MAP4K2: variants seen among roughly 807,000 people sequenced by gnomAD.
The protein encoded by MAP4K2 is B lymphocyte serine/threonine protein kinase.
Under a neutral mutation model 125.3 loss-of-function variants are expected in MAP4K2, and 85 were observed. That is an observed-to-expected ratio of 0.68 (90% CI 0.57 to 0.81). The LOEUF (loss-of-function observed/expected upper bound fraction) is 0.81, where lower values mean the gene tolerates loss of function less well. Among genes scored for constraint, MAP4K2 ranks in the 40% least tolerant of loss-of-function variants. MAP4K2 has a pLI of 0.00. For missense variants in MAP4K2, 923 were observed against 1,056.4 expected (o/e 0.87, Z 1.75); for synonymous variants, 479 against 445.1 (o/e 1.08, Z -0.96).
At position 64,789,940 on chromosome 11, in the gene MAP4K2, C is replaced by T; in HGVS notation, c.2268G>A (p.Val756=). ...IETVVCLQDS[V]LAFWSHGMQG... is the part of the protein sequence containing the mutation. ...GCATCCCATGGCTCCAGAAGGCCAGCACACTGTCCTGCAGGCACACTATGG... is the reference window on the plus strand; with the variant it reads ...GCATCCCATGGCTCCAGAAGGCCAGTACACTGTCCTGCAGGCACACTATGG... Residue 756 remains valine, a synonymous_variant, in exon 30 of 32, where the codon GTG becomes GTA. Transcript: ENST00000294066. 1 of 1,613,648 alleles carries T rather than the reference C, an allele frequency of 6.2e-7. No homozygotes were observed. The highest frequency in any genetic ancestry group is 1.3e-5 in the African/African-American group (1 of 75,024).
chr11:64,802,780 G>A (rs2136058703), intron 2 of MAP4K2, 105 bp downstream of exon 2: 1 of 1,472,056 alleles, frequency 6.8e-7, no homozygotes, highest in Non-Finnish European at 9.3e-7. Context: ...CACCTCCCGG[G>A]GCACGCCTCT....
chr11:64,790,041 G>C (rs1365716262), intron 29 of MAP4K2, 82 bp from the exon 30 acceptor site: 17 of 1,563,594 alleles, frequency 1.1e-5, no homozygotes, highest in Non-Finnish European at 1.5e-5. Context: ...TGGGCCACAG[G>C]GGTCCTCACT....
intron 24 of MAP4K2, among the ~76,000 whole-genome samples, chr11:64,794,373 T>TC (rs1940668041): frequency 1.3e-5 from 2 of 151,964 alleles, no homozygotes; most frequent in South Asian, 4.2e-4. Context: ...TTTTCTTTTT[T>TC]TTTTGAGACG....
In MAP4K2 at chr11:64,786,324, A is replaced by G. The variant is rs1311955041; in HGVS notation, c.*3213T>C. 1 of 152,220 alleles carries G rather than the reference A, an allele frequency of 6.6e-6. No homozygotes were observed. Among genetic ancestry groups the G allele is most frequent in the African/African-American group, 2.4e-5 (1 of 41,446 alleles). The allele number at this position is 152,220 out of a possible 1,614,324, so 9.4% of individuals were successfully genotyped here. ...CTTTGGATATGGTAAACCTAAGGAA[A>G]GTAAAGCTCAGCGAGCTGGGGTGGC... On this transcript the variant is annotated 3_prime_UTR_variant, in exon 32 of 32. Coordinates refer to ENST00000294066, the MANE Select transcript of MAP4K2 (RefSeq NM_004579.5).
At chr11:64,798,702 TG>T in intron 15 of MAP4K2, 91 bp downstream of exon 15, 2 of 1,407,880 alleles carry the variant, frequency 1.4e-6, no homozygotes, top group East Asian at 4.6e-5. Context: ...CCTAAAGTGC[TG>T]GGATTACAGG....
At chr11:64,793,602 T>C (rs896091174) in intron 24 of MAP4K2, among the ~76,000 whole-genome samples, 4 of 152,174 alleles carry the variant, frequency 2.6e-5, no homozygotes, top group Non-Finnish European at 5.9e-5. Context: ...GCCCATGTCC[T>C]GTTTGTACCT....
chr11:64,800,728 G>T (rs1296460041), intron 10 of MAP4K2, 36 bp downstream of exon 10: 1 of 1,574,122 alleles, frequency 6.4e-7, no homozygotes, highest in East Asian at 2.3e-5. Context: ...GGGGCTGACA[G>T]AAAAGGGGGT....
chr11:64,792,273 G>C lies in MAP4K2; in HGVS notation c.1813C>G (p.Arg605Gly). The C allele has an allele frequency of 1.2e-6, 2 of 1,608,654 alleles. No individual in the cohort carries two copies. Among genetic ancestry groups the C allele is most frequent in the Non-Finnish European group, 1.7e-6 (2 of 1,178,166 alleles). The part of the protein sequence containing the change: ...TKGCLQCRVV[R>G]NPYTGATFLL... ...AAGGTGGCACCCGTGTAGGGGTTCC[G>C]CACTGGCAGGGGAGCAGGCAGTGGG... is the stretch of plus-strand genomic sequence containing the variant. Residue 605 changes from arginine to glycine, a missense_variant and splice_region_variant, in exon 26 of 32, where the codon CGG becomes GGG. Coordinates refer to ENST00000294066, the MANE Select transcript of MAP4K2 (RefSeq NM_004579.5).
At position 64,797,153 on chromosome 11, in the gene MAP4K2, G is replaced by T; in HGVS notation, c.1316C>A (p.Pro439Gln). 1 of 1,614,090 alleles carries T rather than the reference G, an allele frequency of 6.2e-7. No individual in the cohort carries two copies. The highest frequency in any genetic ancestry group is 8.5e-7 in the Non-Finnish European group (1 of 1,180,004). ...GGTGGCCCAGGCCGTGGGCAGCAGT[G>T]GGGAGCTGTTGGGGCCTGAAGGAGG... ...PPPPSGPNSS[P>Q]LLPTAWATMK... The change falls in exon 19 of 32, where the codon CCA (proline) becomes CAA (glutamine). Residue 439 changes from proline (P) to glutamine (Q), a missense_variant. Coordinates refer to ENST00000294066, the MANE Select transcript of MAP4K2 (RefSeq NM_004579.5).
In MAP4K2 at chr11:64,792,180, G is replaced by C; in HGVS notation, c.1906C>G (p.Leu636Val). The stretch of plus-strand genomic sequence containing the variant: ...CCCCCACCGCCCCTCACCTTCAGCA[G>C]CAGAAACTTCTGCAGCGGCTCATAC... ...QWYEPLQKFLLLKNFSSPLPS... is the reference protein window; with the variant it reads ...QWYEPLQKFLVLKNFSSPLPS... Residue 636 changes from leucine to valine, a missense_variant, in exon 26 of 32, where the codon CTG becomes GTG. Around this residue, in one of 2 missense-constraint regions of MAP4K2, gnomAD observed 833 missense variants for 911.4 expected, o/e 0.91. Coordinates refer to ENST00000294066, the MANE Select transcript of MAP4K2 (RefSeq NM_004579.5). 1 of 1,610,766 alleles carries C rather than the reference G, an allele frequency of 6.2e-7. No homozygotes were observed. Among genetic ancestry groups the C allele is most frequent in the Non-Finnish European group, 8.5e-7 (1 of 1,178,930 alleles).
At position 64,786,776 on chromosome 11, in the gene MAP4K2, T is replaced by G. The variant is rs879478945; in HGVS notation, c.*2761A>C. 3.9e-5 allele frequency: 6 copies of G among 152,106 alleles called. No individual in the cohort carries two copies. Among genetic ancestry groups the G allele is most frequent in the South Asian group, 2.1e-4 (1 of 4,834 alleles). 9.4% of individuals were successfully genotyped at this position (152,106 alleles called of 1,614,324 possible). A position where few individuals can be genotyped will look rare whatever the true frequency, so the allele number is the denominator to read the frequency against. On this transcript the variant is annotated 3_prime_UTR_variant, in exon 32 of 32. Coordinates refer to ENST00000294066, the MANE Select transcript of MAP4K2 (RefSeq NM_004579.5). ...CAGAGGGGCACTAGCCTAATAATAT[T>G]TATTGCAGCATTGTTTGTAATATAA...
intron 12 of MAP4K2, 108 bp from the exon 13 acceptor site, chr11:64,799,791 T>A: frequency 1.2e-6 from 1 of 817,846 alleles, no homozygotes; most frequent in Non-Finnish European, 2.0e-6. Context: ...GACAGCCCTC[T>A]GGGACTACTG....
At chr11:64,802,765 G>A in intron 2 of MAP4K2, 112 bp from the exon 3 acceptor site, 1 of 1,449,936 alleles carries the variant, frequency 6.9e-7, no homozygotes, top group Non-Finnish European at 9.5e-7. Context: ...AGGTGCAGGT[G>A]ACAGCACCTC....
rs749539424 is a variant in MAP4K2, at chr11:64,802,961, A to C, written c.97-19T>G. 49 of 1,564,688 alleles carry C rather than the reference A, an allele frequency of 3.1e-5. No homozygotes were observed. The highest frequency in any genetic ancestry group is 3.7e-5 in the Non-Finnish European group (43 of 1,156,308). On this transcript the variant is annotated intron_variant, in intron 1 of 31. Coordinates refer to ENST00000294066, the MANE Select transcript of MAP4K2 (RefSeq NM_004579.5). Reference sequence around the variant, plus strand: ...CGCGGGCCTGCAGGGGCGGAGGGTGAAGCGGGATGGGGGGCGGGGCCGGGG... The same window carrying C: ...CGCGGGCCTGCAGGGGCGGAGGGTGCAGCGGGATGGGGGGCGGGGCCGGGG...
chr11:64,789,834 C>T (rs1940368935), intron 30 of MAP4K2, 49 bp from the exon 31 acceptor site: 1 of 1,614,042 alleles, frequency 6.2e-7, no homozygotes, highest in African/African-American at 1.3e-5. Flanking sequence ...AGGTCCTTTC[C>T]AAAGAGGTAG....
At chr11:64,802,846 G>A (rs1941311034) in intron 2 of MAP4K2, 39 bp downstream of exon 2, 1 of 1,584,226 alleles carries the variant, frequency 6.3e-7, no homozygotes, top group East Asian at 2.3e-5. Flanking sequence ...CGGGCGCTCT[G>A]CCCTTCCTCT....
At position 64,800,313 on chromosome 11, in the gene MAP4K2, G is replaced by A. The variant is rs1333051217; in HGVS notation, c.805C>T (p.Gln269Ter). 6.2e-7 allele frequency: 1 copy of A among 1,614,016 alleles called. No homozygotes were observed. The highest frequency in any genetic ancestry group is 1.7e-5 in the Admixed American group (1 of 60,032). ...KKRPTAEKLL[Q>*]HPFTTQQLPR... ...TCTCCCGGCCCCCTGCCTCCCACCT[G>A]CAGGAGCTTCTCTGCTGTCGGCCTC... Residue 269 changes from glutamine to a stop codon, truncating the protein, a stop_gained and splice_region_variant, in exon 11 of 32, where the codon CAG becomes TAG. Transcript: ENST00000294066. LOFTEE classifies it high-confidence loss of function.
intron 2 of MAP4K2, 90 bp downstream of exon 2, chr11:64,802,795 G>A (rs1565628946): frequency 4.7e-6 from 7 of 1,492,402 alleles, no homozygotes; most frequent in Non-Finnish European, 6.4e-6. Flanking sequence ...GCCTCTCAGG[G>A]GTCTCGGAAA....
At chr11:64,791,217 C>T (rs751690013) in intron 27 of MAP4K2, among the ~76,000 whole-genome samples, 2 of 152,258 alleles carry the variant, frequency 1.3e-5, no homozygotes, top group Admixed American at 1.3e-4. Context: ...GCCTTAACTA[C>T]GTGCGCCCTC....
Sources: allele counts gnomAD v4.1 joint callset (sites outside exome capture counted in the v4.1 genomes callset), GRCh38; gene constraint gnomAD v4.1.1; regional missense constraint gnomAD v4.1.1; transcripts MANE v1.5; gene names NCBI Gene and HGNC (gene_info 2026-07-23, HGNC 2026-07-21).